CCBE1: variants seen among roughly 807,000 people sequenced by gnomAD.
CCBE1 encodes collagen and calcium-binding EGF domain-containing protein 1.
In CCBE1, 37 loss-of-function variants were observed where a neutral mutation model predicts 50.0. The observed-to-expected ratio is 0.74, with a 90% CI of 0.57 to 0.97. The LOEUF (loss-of-function observed/expected upper bound fraction) is 0.97, where lower values mean the gene tolerates loss of function less well. CCBE1 is among the 50% of genes least tolerant of loss of function. The probability of loss-of-function intolerance (pLI) is 0.00; values close to 1 mark genes in which losing one functional copy is unlikely to be tolerated. For missense variants in CCBE1, 538 were observed against 523.8 expected (o/e 1.03, Z -0.26); for synonymous variants, 234 against 203.7 (o/e 1.15, Z -1.27).
intron 2 of CCBE1, among the ~76,000 whole-genome samples, chr18:59,545,040 C>A (rs1351920844): frequency 1.3e-5 from 2 of 152,032 alleles, no homozygotes; most frequent in Non-Finnish European, 2.9e-5. Flanking sequence ...ATAAGATATG[C>A]CTTTTATTTA....
At chr18:59,437,854 C>T (rs1164286985) in intron 10 of CCBE1, among the ~76,000 whole-genome samples, 2 of 152,180 alleles carry the variant, frequency 1.3e-5, no homozygotes, top group Non-Finnish European at 2.9e-5. Flanking sequence ...GGGTTTTGAG[C>T]TTTAGGAAAG....
chr18:59,690,022 T>G (rs1201564504), intron 2 of CCBE1, among the ~76,000 whole-genome samples: 2 of 152,058 alleles, frequency 1.3e-5, no homozygotes, highest in Non-Finnish European at 2.9e-5. Flanking sequence ...AAAACAAGTA[T>G]CTTAAAAAGG....
chr18:59,630,400 A>G (rs116315448), intron 2 of CCBE1, among the ~76,000 whole-genome samples: 5,581 of 152,298 alleles, frequency 0.037, 340 homozygotes, highest in African/African-American at 0.13. Flanking sequence ...GTGTTGAAGC[A>G]CTGGCAATTT....
chr18:59,438,262 T>C (rs1910252774), intron 9 of CCBE1, 116 bp from the exon 10 acceptor site: 2 of 956,446 alleles, frequency 2.1e-6, no homozygotes, highest in South Asian at 1.4e-5. Flanking sequence ...ACATTTTCTA[T>C]AGAAAACATA....
intron 2 of CCBE1, among the ~76,000 whole-genome samples, chr18:59,615,097 T>C (rs2144591998): frequency 6.6e-6 from 1 of 152,372 alleles, no homozygotes; most frequent in Non-Finnish European, 1.5e-5. Context: ...GCCCTGTCGA[T>C]GGAGACCAGA....
intron 2 of CCBE1, among the ~76,000 whole-genome samples, chr18:59,680,058 T>C (rs1259831647): frequency 6.6e-6 from 1 of 151,664 alleles, no homozygotes; most frequent in East Asian, 1.9e-4. Flanking sequence ...CCGTCTCTAC[T>C]AAAAATACAA....
chr18:59,473,825 A>T (rs1425601006), intron 3 of CCBE1, among the ~76,000 whole-genome samples: 1 of 75,792 alleles, frequency 1.3e-5, no homozygotes, highest in Admixed American at 1.6e-4. Context: ...CCCCCCTACT[A>T]CTCACCTTCC....
intron 2 of CCBE1, among the ~76,000 whole-genome samples, chr18:59,501,251 T>G (rs375415715): frequency 2.6e-5 from 4 of 152,210 alleles, no homozygotes; most frequent in Admixed American, 6.5e-5. Flanking sequence ...TTGGGGACCC[T>G]GTCCTGGGGC....
intron 2 of CCBE1, among the ~76,000 whole-genome samples, chr18:59,577,684 G>A (rs969826694): frequency 2.0e-5 from 3 of 152,212 alleles, no homozygotes; most frequent in African/African-American, 4.8e-5. Flanking sequence ...TTCAACAAAC[G>A]AGGTAGTTGT....
intron 2 of CCBE1, among the ~76,000 whole-genome samples, chr18:59,608,706 G>A (rs561846265): frequency 1.3e-5 from 2 of 152,262 alleles, no homozygotes; most frequent in South Asian, 2.1e-4. Context: ...GAGTGAAAAC[G>A]TCTCTCTTGT....
chr18:59,504,179 C>G (rs978191021), intron 2 of CCBE1, among the ~76,000 whole-genome samples: 1 of 152,106 alleles, frequency 6.6e-6, no homozygotes, highest in African/African-American at 2.4e-5. Flanking sequence ...CTGTGTAAGT[C>G]ATCTCATCTT....
chr18:59,520,435 A>C (rs114175120), intron 2 of CCBE1, among the ~76,000 whole-genome samples: 1 of 152,210 alleles, frequency 6.6e-6, no homozygotes, highest in African/African-American at 2.4e-5. Flanking sequence ...AGTTGAATTC[A>C]GCATAGGTTA....
At chr18:59,522,860 C>T (rs1420059251) in intron 2 of CCBE1, among the ~76,000 whole-genome samples, 4 of 151,684 alleles carry the variant, frequency 2.6e-5, no homozygotes, top group African/African-American at 7.3e-5. Flanking sequence ...GGCGTGGTGG[C>T]GGGCGCCTGT....
chr18:59,436,089 T>A lies in CCBE1; in HGVS notation c.1040A>T (p.Asn347Ile). Residue 347 changes from asparagine (N) to isoleucine (I), a missense_variant, in exon 11 of 11, where the codon AAT becomes ATT. Asn to Ile is a moderately radical substitution (Grantham distance 149). Coordinates refer to ENST00000439986, the MANE Select transcript of CCBE1 (RefSeq NM_133459.4). ...CTTTTCCTGCAGCTCAGTGATGTCA[T>A]TGCGGATGTCAGCCAGCATAAGTAG... ...FLLLMLADIR[N>I]DITELQEKVF... is the part of the protein sequence containing the mutation. The A allele has an allele frequency of 2.5e-6, 4 of 1,614,186 alleles. No individual in the cohort carries two copies. The highest frequency in any genetic ancestry group is 2.5e-6 in the Non-Finnish European group (3 of 1,180,032).
Position 59,432,262 on chromosome 18 carries a change from A to G in CCBE1, c.*3646T>C, listed in dbSNP as rs1909971825. The stretch of plus-strand genomic sequence containing the variant: ...AGGCATAACCACTGTGCCTGGCCCC[A>G]TGCACTATTTTCAACAGCATATTTT... On this transcript the variant is annotated 3_prime_UTR_variant, in exon 11 of 11. Transcript: ENST00000439986. The G allele has an allele frequency of 6.6e-6, 1 of 152,156 alleles. No homozygotes were observed. Among genetic ancestry groups the G allele is most frequent in the African/African-American group, 2.4e-5 (1 of 41,434 alleles). 9.4% of individuals were successfully genotyped at this position (152,156 alleles called of 1,614,324 possible). A position where few individuals can be genotyped will look rare whatever the true frequency, so the allele number is the denominator to read the frequency against.
chr18:59,523,441 A>C (rs1248169039), intron 2 of CCBE1, among the ~76,000 whole-genome samples: 1 of 151,492 alleles, frequency 6.6e-6, no homozygotes, highest in Non-Finnish European at 1.5e-5. Flanking sequence ...TCTGTATCTC[A>C]ATTTCTTCAA....
At chr18:59,666,955 ACT>A (rs2144700086) in intron 2 of CCBE1, among the ~76,000 whole-genome samples, 1 of 152,168 alleles carries the variant, frequency 6.6e-6, no homozygotes, top group Non-Finnish European at 1.5e-5. Context: ...ACAGAGCAAG[ACT>A]CTGTCTCAAA....
intron 6 of CCBE1, 137 bp from the exon 7 acceptor site, chr18:59,448,240 G>A: frequency 7.7e-7 from 1 of 1,294,376 alleles, no homozygotes; most frequent in Non-Finnish European, 1.1e-6. Flanking sequence ...TTAGAGCTCA[G>A]AGAAACTATA....
At chr18:59,697,474 A>C, upstream of CCBE1, 1 of 1,218,522 alleles carries the variant, frequency 8.2e-7, no homozygotes, top group Non-Finnish European at 1.1e-6. Context: ...CACCACCTGC[A>C]CGGGGAGCAG....
Sources: gnomAD v4.1 joint callset for allele counts (sites outside exome capture counted in the v4.1 genomes callset) on GRCh38, gnomAD v4.1.1 for gene constraint, MANE v1.5 for transcripts, NCBI Gene and HGNC (gene_info 2026-07-23, HGNC 2026-07-21) for gene names.